The following GSG1L variants were observed in gnomAD, a reference collection of about 807,000 sequenced individuals.
The protein encoded by GSG1L is GSG1 like.
GSG1L carries 24 observed loss-of-function variants against 42.1 expected under a neutral mutation model. The ratio of observed to expected loss-of-function variants is 0.57; its 90% CI spans 0.41 to 0.80. The LOEUF (loss-of-function observed/expected upper bound fraction) is 0.80, where lower values mean the gene tolerates loss of function less well. GSG1L is among the 30% of genes least tolerant of loss of function. The pLI is 0.00. For synonymous variants in GSG1L, 215 were observed against 203.5 expected (o/e 1.06, Z -0.48); for missense variants, 445 against 472.2 (o/e 0.94, Z 0.53).
rs1343749005 is a variant in GSG1L at position 27,788,055 on chromosome 16, T to C, written c.*3315A>G. The C allele has an allele frequency of 1.3e-5, 2 of 152,198 alleles. No individual in the cohort carries two copies. The highest frequency in any genetic ancestry group is 2.9e-5 in the Non-Finnish European group (2 of 68,032). The allele number at this position is 152,198 out of a possible 1,614,324, so 9.4% of individuals were successfully genotyped here. A position where few individuals can be genotyped will look rare whatever the true frequency, so the allele number is the denominator to read the frequency against. On this transcript the variant is annotated 3_prime_UTR_variant, in exon 7 of 7. Coordinates refer to ENST00000447459, the MANE Select transcript of GSG1L (RefSeq NM_001109763.2). Reference sequence around the variant, plus strand: ...ACAAATTGTTCGCTTGATGAATCAATGCGTGAATGAATGAGCACAAACCTC... The same window carrying C: ...ACAAATTGTTCGCTTGATGAATCAACGCGTGAATGAATGAGCACAAACCTC...
intron 3 of GSG1L, among the ~76,000 whole-genome samples, chr16:27,873,518 A>C (rs577251407): frequency 6.6e-6 from 1 of 152,338 alleles, no homozygotes; most frequent in Admixed American, 6.5e-5. Flanking sequence ...TGTGACCTGT[A>C]TGATGAAGAT....
intron 3 of GSG1L, among the ~76,000 whole-genome samples, chr16:27,850,271 T>C (rs1251095904): frequency 6.6e-6 from 1 of 151,410 alleles, no homozygotes; most frequent in Non-Finnish European, 1.5e-5. Context: ...TCAGGTGATC[T>C]GCCCACCTTG....
At chr16:27,900,611 C>T (rs2084245250) in intron 2 of GSG1L, among the ~76,000 whole-genome samples, 1 of 152,132 alleles carries the variant, frequency 6.6e-6, no homozygotes, top group Non-Finnish European at 1.5e-5. Context: ...CACCCAAGAT[C>T]CTGCAGCATT....
At chr16:27,867,300 G>A (rs1264374039) in intron 3 of GSG1L, among the ~76,000 whole-genome samples, 4 of 152,184 alleles carry the variant, frequency 2.6e-5, no homozygotes, top group African/African-American at 9.6e-5. Flanking sequence ...TCCCACTCAT[G>A]CTGTGTGACC....
At chr16:27,940,831 T>C (rs1442186855) in intron 2 of GSG1L, among the ~76,000 whole-genome samples, 1 of 150,838 alleles carries the variant, frequency 6.6e-6, no homozygotes, top group East Asian at 1.9e-4. Context: ...TGTGCGCATG[T>C]ACCCTAAAAC....
At chr16:27,956,452 C>T (rs537957220) in intron 2 of GSG1L, among the ~76,000 whole-genome samples, 20 of 152,308 alleles carry the variant, frequency 1.3e-4, no homozygotes, top group African/African-American at 3.1e-4. Flanking sequence ...TGGTCAGGTC[C>T]GGGTGTGGTC....
intron 1 of GSG1L, among the ~76,000 whole-genome samples, chr16:28,058,970 CAGG>C (rs2086309941): frequency 2.0e-5 from 3 of 152,142 alleles, no homozygotes; most frequent in Admixed American, 1.3e-4. Context: ...ATGCTGGGTG[CAGG>C]ATGAACTGGG....
At chr16:27,890,387 G>T (rs529835085) in intron 2 of GSG1L, among the ~76,000 whole-genome samples, 3 of 152,306 alleles carry the variant, frequency 2.0e-5, no homozygotes, top group Non-Finnish European at 4.4e-5. Context: ...CAGGTGAGGG[G>T]CTTAGCCAGG....
chr16:27,899,004 G>A (rs901928306), intron 2 of GSG1L, among the ~76,000 whole-genome samples: 1 of 152,152 alleles, frequency 6.6e-6, no homozygotes, highest in Non-Finnish European at 1.5e-5. Context: ...ACAGCCCAGG[G>A]AACCAGCTCA....
chr16:27,914,450 G>T (rs1023826610), intron 2 of GSG1L, among the ~76,000 whole-genome samples: 1 of 152,092 alleles, frequency 6.6e-6, no homozygotes, highest in African/African-American at 2.4e-5. Flanking sequence ...TCAGTTTCCT[G>T]ATATGCAAAG....
In GSG1L at chr16:27,787,867, G is replaced by A. The variant is rs2082710182; in HGVS notation, c.*3503C>T. The A allele has an allele frequency of 6.6e-6, 1 of 152,196 alleles. No individual in the cohort carries two copies. Among genetic ancestry groups the A allele is most frequent in the South Asian group, 2.1e-4 (1 of 4,828 alleles). The allele number at this position is 152,196 out of a possible 1,614,324, so 9.4% of individuals were successfully genotyped here. Reference sequence around the variant, plus strand: ...TCCCTGCCCAGGCCCATATATGGCAGCCGCCCTCTCTTGCATGAGGCCAAA... The same window carrying A: ...TCCCTGCCCAGGCCCATATATGGCAACCGCCCTCTCTTGCATGAGGCCAAA... On this transcript the variant is annotated 3_prime_UTR_variant, in exon 7 of 7. Transcript: ENST00000447459.
chr16:27,846,048 A>T (rs2083439888), intron 3 of GSG1L, among the ~76,000 whole-genome samples: 2 of 152,052 alleles, frequency 1.3e-5, no homozygotes, highest in African/African-American at 2.4e-5. Flanking sequence ...GACTACAAGC[A>T]CGCACCACCA....
At chr16:27,979,769 G>GGAAA (rs1260948863) in intron 1 of GSG1L, among the ~76,000 whole-genome samples, 1 of 43,210 alleles carries the variant, frequency 2.3e-5, no homozygotes, top group Non-Finnish European at 4.7e-5. Context: ...AAAGAAAGAA[G>GGAAA]GAAAGAAAGA....
rs1443925360 is a variant in GSG1L at position 27,956,441 on chromosome 16, A to G, written c.397+6715T>C. Among the ~76,000 whole-genome samples, 9 of 152,302 alleles carry G rather than the reference A, an allele frequency of 5.9e-5. No individual in the cohort carries two copies. The East Asian group carries it at 1.7e-3, about 29-fold the overall frequency. On this transcript the variant is annotated intron_variant, in intron 2 of 6. Coordinates refer to ENST00000447459, the MANE Select transcript of GSG1L (RefSeq NM_001109763.2). ...CAGCTGCCACCCATCCTTGAGACCT[A>G]TGGTCAGGTCCGGGTGTGGTCACTT...
intron 1 of GSG1L, among the ~76,000 whole-genome samples, chr16:28,026,815 C>T (rs572804923): frequency 2.0e-4 from 30 of 152,212 alleles, no homozygotes; most frequent in Admixed American, 1.9e-3. Context: ...GGCATTGTGG[C>T]TCATGCCTGT....
intron 1 of GSG1L, among the ~76,000 whole-genome samples, chr16:28,048,311 C>T (rs1488231829): frequency 6.6e-6 from 1 of 151,916 alleles, no homozygotes; most frequent in Non-Finnish European, 1.5e-5. Flanking sequence ...AATGTACCTG[C>T]TTTTTCAAAT....
rs117109550 is a variant in GSG1L at position 27,855,786 on chromosome 16, C to T, written c.551-10725G>A. Among the ~76,000 whole-genome samples the T allele has an allele frequency of 3.9e-4, 59 of 151,390 alleles. No individual in the cohort carries two copies. The East Asian group carries it at 9.8e-3, about 25-fold the overall frequency. On this transcript the variant is annotated intron_variant, in intron 3 of 6. Transcript: ENST00000447459. ...GGCCCCTACCCACTGTGAGTTTCTG[C>T]TCCAGTGGAAAAGGCAGGTACTAGC...
At chr16:27,807,692 T>G in intron 5 of GSG1L, 138 bp from the exon 6 acceptor site, 1 of 660,032 alleles carries the variant, frequency 1.5e-6, no homozygotes, top group Middle Eastern at 2.5e-4. Context: ...CCTGCTGCCC[T>G]GGGGGATTTT....
chr16:27,976,778 G>A (rs2085255379), intron 1 of GSG1L, among the ~76,000 whole-genome samples: 1 of 152,080 alleles, frequency 6.6e-6, no homozygotes, highest in Non-Finnish European at 1.5e-5. Flanking sequence ...CTCTCTCTCT[G>A]TTTCTCTAAG....
Sources: gnomAD v4.1 joint callset for allele counts (sites outside exome capture counted in the v4.1 genomes callset) on GRCh38, gnomAD v4.1.1 for gene constraint, MANE v1.5 for transcripts, NCBI Gene and HGNC (gene_info 2026-07-23, HGNC 2026-07-21) for gene names.